Variants in GPR161 observed in about 807,000 individuals in gnomAD.
GPR161 encodes G-protein coupled receptor RE2.
A neutral mutation model predicts 39.2 loss-of-function variants in GPR161; 25 were observed. That is an observed-to-expected ratio of 0.64 (90% CI 0.47 to 0.89). The LOEUF (loss-of-function observed/expected upper bound fraction) is 0.89. Among genes scored for constraint, GPR161 ranks in the 40% least tolerant of loss-of-function variants. The pLI, the probability that GPR161 is intolerant of heterozygous loss-of-function variation, is 0.00. For synonymous variants in GPR161, 286 were observed against 276.6 expected, an observed-to-expected ratio of 1.03 and a Z score of -0.34; for missense variants, 547 against 677.8, an observed-to-expected ratio of 0.81 and a Z score of 2.14.
chr1:168,091,784 A>G (rs545988627), intron 3 of GPR161, among the ~76,000 whole-genome samples: 2 of 152,340 alleles, frequency 1.3e-5, no homozygotes, highest in Admixed American at 6.5e-5. Context: ...CAGGCTATGA[A>G]AAAAGGAACA....
At position 168,086,916 on chromosome 1, in the gene GPR161, A is replaced by G. The variant is rs112333386; in HGVS notation, c.1324+669T>C. ...AGAGGCCATATTTATTTCCATATTC[A>G]ACATTTCTGAAGAGCCTCCTTACAT... On this transcript the variant is annotated intron_variant, in intron 5 of 5. Coordinates refer to ENST00000682931, the MANE Select transcript of GPR161 (RefSeq NM_001375883.1). 9.8e-3 allele frequency among the ~76,000 whole-genome samples: 1,486 copies of G among 152,268 alleles called. 22 individuals are homozygous for G. The highest frequency in any genetic ancestry group is 0.034 in the African/African-American group (1,423 of 41,554).
chr1:168,110,652 G>A (rs1697090118), intron 1 of GPR161, among the ~76,000 whole-genome samples: 1 of 151,752 alleles, frequency 6.6e-6, no homozygotes. Context: ...AGCCGGGCGT[G>A]GTGACTCACT....
rs546285639 is a variant in GPR161, at chr1:168,098,022, A to C, written c.375-790T>G. Among the ~76,000 whole-genome samples, 3 of 152,232 alleles carry C rather than the reference A, an allele frequency of 2.0e-5. No homozygotes were observed. The highest frequency in any genetic ancestry group is 7.2e-5 in the African/African-American group (3 of 41,546). On this transcript the variant is annotated intron_variant, in intron 2 of 5. Transcript: ENST00000682931. The surrounding 1 kb of genome is among the most constrained non-coding windows in gnomAD (Gnocchi z 4.1). ...GAATCACTCAGTGCTGCTAGGTAGG[A>C]GGTGGGCCAGGAGGGCTATCCATTC...
rs1694052641 is a variant in GPR161, at chr1:168,081,204, C to T, written c.*4327G>A. ...TAATAGAAAATCTCATTTTGGCTCC[C>T]TTAGACTTCTCAAGTTCCAGATGCT... is the stretch of plus-strand genomic sequence containing the variant. On this transcript the variant is annotated 3_prime_UTR_variant, in exon 6 of 6. Transcript: ENST00000682931. The T allele has an allele frequency of 6.6e-6, 1 of 152,118 alleles. No individual in the cohort carries two copies. The highest frequency in any genetic ancestry group is 2.1e-4 in the South Asian group (1 of 4,808). The allele number at this position is 152,118 out of a possible 1,614,324, so 9.4% of individuals were successfully genotyped here. A position where few individuals can be genotyped will look rare whatever the true frequency, so the allele number is the denominator to read the frequency against.
At position 168,100,137 on chromosome 1, in the gene GPR161, G is replaced by A. The variant is rs938762799; in HGVS notation, c.375-2905C>T. ...GAAGAAGGATCACTTGGGCCCAGGA[G>A]GTCAAGGCTGCAATGAGCCATGACT... On this transcript the variant is annotated intron_variant, in intron 2 of 5. Coordinates refer to ENST00000682931, the MANE Select transcript of GPR161 (RefSeq NM_001375883.1). Among the ~76,000 whole-genome samples, 4 of 150,008 alleles carry A rather than the reference G, an allele frequency of 2.7e-5. No individual in the cohort carries two copies. The South Asian group carries it at 8.4e-4, about 32-fold the overall frequency.
At chr1:168,129,549 G>A (rs1698835796) in intron 1 of GPR161, among the ~76,000 whole-genome samples, 1 of 152,196 alleles carries the variant, frequency 6.6e-6, no homozygotes, top group African/African-American at 2.4e-5. Context: ...AGGAGGCCAC[G>A]GCTATGGCCC....
chr1:168,122,548 G>A (rs1299550269), intron 1 of GPR161, among the ~76,000 whole-genome samples: 1 of 152,032 alleles, frequency 6.6e-6, no homozygotes, highest in Non-Finnish European at 1.5e-5. Context: ...TTGTTACCTC[G>A]ACCTGCAGCT....
chr1:168,125,624 CTT>C (rs35233372), intron 1 of GPR161, among the ~76,000 whole-genome samples: 3 of 142,158 alleles, frequency 2.1e-5, no homozygotes, highest in Non-Finnish European at 1.5e-5. Context: ...CTTCCCCCCC[CTT>C]TTTTTTTTTT....
chr1:168,104,080 G>A (rs571074577), intron 2 of GPR161, among the ~76,000 whole-genome samples: 1 of 152,034 alleles, frequency 6.6e-6, no homozygotes, highest in Admixed American at 6.6e-5. Context: ...TTCCCTGTTC[G>A]GGCTGCACTA....
rs369073702 is a variant in GPR161, at chr1:168,080,859, ACTTTTT to A, written c.*4666_*4671del. The A allele has an allele frequency of 3.2e-4, 48 of 152,300 alleles. No homozygotes were observed. The highest frequency in any genetic ancestry group is 3.4e-3 in the Middle Eastern group (1 of 298). 9.4% of individuals were successfully genotyped at this position (152,300 alleles called of 1,614,324 possible). On this transcript the variant is annotated 3_prime_UTR_variant, in exon 6 of 6. Transcript: ENST00000682931. Reference sequence around the variant, plus strand: ...AACAGGCCAGTAGCATAGAGGATAGACTTTTTCTTTTTTTTCTTTTTTTAGGCGGGG... The same window carrying A: ...AACAGGCCAGTAGCATAGAGGATAGACTTTTTTTTCTTTTTTTAGGCGGGG...
intron 1 of GPR161, among the ~76,000 whole-genome samples, chr1:168,128,682 A>C (rs746621480): frequency 6.6e-6 from 1 of 152,212 alleles, no homozygotes; most frequent in Non-Finnish European, 1.5e-5. Context: ...AAAAATAATG[A>C]CTACGTGAAT....
intron 1 of GPR161, among the ~76,000 whole-genome samples, chr1:168,109,083 T>G (rs918225038): frequency 1.3e-5 from 2 of 152,062 alleles, no homozygotes; most frequent in African/African-American, 4.8e-5. Flanking sequence ...CAAAATGCAG[T>G]CAGAAAGATT....
chr1:168,111,564 T>C (rs2102199419), intron 1 of GPR161, among the ~76,000 whole-genome samples: 1 of 152,316 alleles, frequency 6.6e-6, no homozygotes, highest in Non-Finnish European at 1.5e-5. Context: ...CCATTAGGGA[T>C]GCGAAGCCAA....
chr1:168,136,665 T>G, intron 1 of GPR161, 74 bp downstream of exon 1: 1 of 1,180,182 alleles, frequency 8.5e-7, no homozygotes, highest in Non-Finnish European at 1.0e-6. Context: ...CCTCGCACAA[T>G]GAGTTTAGCC....
chr1:168,108,112 A>T (rs79006768), intron 1 of GPR161, among the ~76,000 whole-genome samples: 2,819 of 152,250 alleles, frequency 0.019, 76 homozygotes, highest in African/African-American at 0.064. Context: ...ATGGCTGAAA[A>T]CAAAGGGGAG....
chr1:168,085,611 C>A lies in GPR161; in HGVS notation c.1510G>T (p.Gly504Cys). The A allele has an allele frequency of 6.2e-7, 1 of 1,614,042 alleles. No individual in the cohort carries two copies. Among genetic ancestry groups the A allele is most frequent in the South Asian group, 1.1e-5 (1 of 91,088 alleles). The change falls in exon 6 of 6, where the codon GGC becomes TGC. Residue 504 changes from glycine (G) to cysteine (C), a missense_variant. Transcript: ENST00000682931. ...CTCTGGCTCACAAGAGTTCTGCTGCCTCGGCGGCCCCCGAAGCCGCCCCCC... is the reference window on the plus strand; with the variant it reads ...CTCTGGCTCACAAGAGTTCTGCTGCATCGGCGGCCCCCGAAGCCGCCCCCC... ...VPGGGFGGRR[G>C]SRTLVSQRLQ...
chr1:168,104,072 C>G (rs1381999559), intron 2 of GPR161, among the ~76,000 whole-genome samples: 1 of 152,102 alleles, frequency 6.6e-6, no homozygotes, highest in Non-Finnish European at 1.5e-5. Context: ...TGAGGGTGTT[C>G]CCTGTTCGGG....
intron 2 of GPR161, among the ~76,000 whole-genome samples, chr1:168,099,125 C>G (rs1456136226): frequency 6.6e-6 from 1 of 152,220 alleles, no homozygotes. Context: ...AAGCCCTACA[C>G]TGCTCCTGCT....
Position 168,136,892 on chromosome 1 carries a change from A to G in GPR161, c.-198T>C. The stretch of plus-strand genomic sequence containing the variant: ...CCCCGCTTCGCTCCTCCCGCGGGCC[A>G]GCCACCAGCACGCGGACCCGGGCGG... On this transcript the variant is annotated 5_prime_UTR_variant, in exon 1 of 6. Transcript: ENST00000682931. The G allele has an allele frequency of 1.0e-6, 1 of 973,342 alleles. No homozygotes were observed. The highest frequency in any genetic ancestry group is 1.2e-6 in the Non-Finnish European group (1 of 825,554). 60.3% of individuals were successfully genotyped at this position (973,342 alleles called of 1,614,324 possible). A position where few individuals can be genotyped will look rare whatever the true frequency, so the allele number is the denominator to read the frequency against.
Sources: allele counts gnomAD v4.1 joint callset (sites outside exome capture counted in the v4.1 genomes callset), GRCh38; gene constraint gnomAD v4.1.1; non-coding constraint Gnocchi (gnomAD v3.1); transcripts MANE v1.5; gene names NCBI Gene and HGNC (gene_info 2026-07-23, HGNC 2026-07-21).